TRPM3: variants seen among roughly 807,000 people sequenced by gnomAD.
The protein encoded by TRPM3 is transient receptor potential cation channel subfamily M member 3.
In TRPM3, 77 loss-of-function variants were observed where a neutral mutation model predicts 181.2. The ratio of observed to expected loss-of-function variants is 0.42; its 90% CI spans 0.35 to 0.51. The LOEUF (loss-of-function observed/expected upper bound fraction) is 0.51, where lower values mean the gene tolerates loss of function less well. Among genes scored for constraint, TRPM3 ranks in the 20% least tolerant of loss-of-function variants. The probability of loss-of-function intolerance (pLI) is 0.01; values close to 1 mark genes in which losing one functional copy is unlikely to be tolerated. For missense variants in TRPM3, 1,759 were observed against 2,196.7 expected (o/e 0.80, Z 3.98); for synonymous variants, 745 against 796.4 (o/e 0.94, Z 1.09).
Position 70,594,429 on chromosome 9 carries a change from G to C in TRPM3, c.3049-3224C>G, listed in dbSNP as rs1279055437. Among the ~76,000 whole-genome samples, 4 of 152,246 alleles carry C rather than the reference G, an allele frequency of 2.6e-5. No individual in the cohort carries two copies. In the East Asian group the frequency reaches 7.7e-4, roughly 29 times the overall value. On this transcript the variant is annotated intron_variant, in intron 21 of 25. Coordinates refer to ENST00000677713, the MANE Select transcript of TRPM3 (RefSeq NM_001366145.2). ...CACAGATATGAAAACCTATTTCCGA[G>C]GGGGTATGATGATGACATGTCTGAC...
At chr9:70,833,286 G>A (rs1056433811) in intron 5 of TRPM3, among the ~76,000 whole-genome samples, 1 of 152,126 alleles carries the variant, frequency 6.6e-6, no homozygotes, top group African/African-American at 2.4e-5. Flanking sequence ...AATTGAATTG[G>A]ACTACGTCAG....
chr9:70,829,547 CTT>C (rs1387399487), intron 5 of TRPM3, among the ~76,000 whole-genome samples: 1 of 152,030 alleles, frequency 6.6e-6, no homozygotes, highest in South Asian at 2.1e-4. Context: ...ATATATAGGA[CTT>C]TTTTGTTAAT....
intron 1 of TRPM3, among the ~76,000 whole-genome samples, chr9:70,885,856 C>A (rs925891135): frequency 2.0e-5 from 3 of 152,168 alleles, no homozygotes; most frequent in African/African-American, 7.2e-5. Context: ...AAGGACCAGA[C>A]CCTATTTCTG....
At chr9:71,396,389 T>A (rs1433325360) in intron 1 of TRPM3, among the ~76,000 whole-genome samples, 46 of 152,160 alleles carry the variant, frequency 3.0e-4, no homozygotes, top group Admixed American at 3.0e-3. Context: ...TAACAACTTT[T>A]AAGAGTCCAA....
intron 1 of TRPM3, among the ~76,000 whole-genome samples, chr9:70,888,218 A>G (rs566567210): frequency 2.6e-4 from 40 of 152,216 alleles, no homozygotes; most frequent in Non-Finnish European, 4.9e-4. Context: ...TTTTAGCTTC[A>G]GTCTTTACTA....
At chr9:71,249,812 C>T (rs371395705) in intron 1 of TRPM3, among the ~76,000 whole-genome samples, 21 of 152,134 alleles carry the variant, frequency 1.4e-4, no homozygotes, top group Non-Finnish European at 1.6e-4. Context: ...CAGAAAGCAA[C>T]GCAGACCTGG....
intron 1 of TRPM3, among the ~76,000 whole-genome samples, chr9:71,085,241 C>A (rs748314041): frequency 7.9e-5 from 12 of 151,940 alleles, no homozygotes; most frequent in Non-Finnish European, 1.3e-4. Flanking sequence ...ATGACTAAGT[C>A]CTTGAAAGCA....
chr9:70,576,283 C>T (rs1316986832), intron 22 of TRPM3, among the ~76,000 whole-genome samples: 1 of 152,216 alleles, frequency 6.6e-6, no homozygotes, highest in Admixed American at 6.5e-5. Context: ...CTGGAAACCA[C>T]TGGTCTTTGG....
intron 3 of TRPM3, among the ~76,000 whole-genome samples, chr9:70,849,156 T>G (rs1208483076): frequency 6.6e-6 from 1 of 152,126 alleles, no homozygotes; most frequent in African/African-American, 2.4e-5. Context: ...TTTTGTTTGT[T>G]TGTTTTGAGA....
In TRPM3 at chr9:71,440,823, T is replaced by A. The variant is rs142220404; in HGVS notation, c.183+5830A>T. Among the ~76,000 whole-genome samples, 535 of 152,258 alleles carry A rather than the reference T, an allele frequency of 3.5e-3. 2 individuals carry two copies. Among genetic ancestry groups the A allele is most frequent in the South Asian group, 0.019 (90 of 4,828 alleles). On this transcript the variant is annotated intron_variant, in intron 1 of 24. Coordinates refer to the TRPM3 transcript ENST00000357533. ...ACCAGCCCTCGTTTGGCTTTGCAAATGAAAGAAATAAAAAGTAAAAGCAAC... is the reference window on the plus strand; with the variant it reads ...ACCAGCCCTCGTTTGGCTTTGCAAAAGAAAGAAATAAAAAGTAAAAGCAAC...
chr9:70,883,002 T>C (rs1449793201), intron 1 of TRPM3, among the ~76,000 whole-genome samples: 2 of 152,222 alleles, frequency 1.3e-5, no homozygotes, highest in African/African-American at 4.8e-5. Flanking sequence ...TCTGAACATA[T>C]GTGTTTCCTG....
At chr9:70,781,348 A>AAAAAAAAAAAAAAAAAC (rs2082418013) in intron 7 of TRPM3, among the ~76,000 whole-genome samples, 1 of 136,340 alleles carries the variant, frequency 7.3e-6, no homozygotes, top group Non-Finnish European at 1.6e-5. Context: ...AAAAAAAAAA[A>AAAAAAAAAAAAAAAAAC]AGAAAACATG....
At chr9:70,898,519 G>C (rs2096323786) in intron 1 of TRPM3, among the ~76,000 whole-genome samples, 1 of 150,592 alleles carries the variant, frequency 6.6e-6, no homozygotes, top group Non-Finnish European at 1.5e-5. Flanking sequence ...GGAGGCCAAG[G>C]CGGGCGGATC....
At chr9:70,762,710 A>AT (rs2078362147) in intron 7 of TRPM3, among the ~76,000 whole-genome samples, 1 of 152,254 alleles carries the variant, frequency 6.6e-6, no homozygotes, top group Non-Finnish European at 1.5e-5. Context: ...CAGGAACTCT[A>AT]TAGACAAGGG....
chr9:70,602,771 G>A (rs996624983), intron 20 of TRPM3, among the ~76,000 whole-genome samples: 12 of 152,332 alleles, frequency 7.9e-5, no homozygotes, highest in African/African-American at 2.6e-4. Flanking sequence ...GGCCATAGAA[G>A]TGGGGGGAGA....
intron 21 of TRPM3, among the ~76,000 whole-genome samples, chr9:70,598,042 T>C (rs1392190408): frequency 1.3e-5 from 2 of 152,202 alleles, no homozygotes; most frequent in Non-Finnish European, 2.9e-5. Flanking sequence ...GTGGTTCTGT[T>C]GTACTTTATA....
chr9:71,064,003 G>A (rs1287429458), intron 1 of TRPM3, among the ~76,000 whole-genome samples: 1 of 152,052 alleles, frequency 6.6e-6, no homozygotes, highest in Non-Finnish European at 1.5e-5. Flanking sequence ...AAATGTATAT[G>A]ATAGGCAACA....
intron 1 of TRPM3, among the ~76,000 whole-genome samples, chr9:71,136,674 C>T (rs1025851905): frequency 3.3e-4 from 50 of 152,088 alleles, no homozygotes; most frequent in Admixed American, 2.6e-3. Flanking sequence ...CAGAGAGATG[C>T]AAAGAATGCG....
chr9:70,816,863 T>C (rs753122925), intron 6 of TRPM3, among the ~76,000 whole-genome samples: 2 of 152,220 alleles, frequency 1.3e-5, no homozygotes, highest in African/African-American at 2.4e-5. Flanking sequence ...AAATAATCCA[T>C]ATCTTTTTAG....
Sources: allele counts gnomAD v4.1 joint callset (sites outside exome capture counted in the v4.1 genomes callset), GRCh38; gene constraint gnomAD v4.1.1; transcripts MANE v1.5; gene names NCBI Gene and HGNC (gene_info 2026-07-23, HGNC 2026-07-21).